The following USP34 variants were observed in gnomAD, a reference collection of about 807,000 sequenced individuals.
USP34 encodes ubiquitin carboxyl-terminal hydrolase 34.
In USP34, 70 loss-of-function variants were observed where a neutral mutation model predicts 460.3. The observed-to-expected ratio is 0.15, with a 90% CI of 0.13 to 0.19. USP34 has a LOEUF of 0.19. USP34 is among the 10% of genes least tolerant of loss of function. The pLI, the probability that USP34 is intolerant of heterozygous loss-of-function variation, is 1.00. For missense variants in USP34, 3,985 were observed against 4,236.2 expected (o/e 0.94, Z 1.65); for synonymous variants, 1,647 against 1,405.3 (o/e 1.17, Z -3.85).
In USP34 at chr2:61,317,685, G is replaced by C. The variant is rs1017710888; in HGVS notation, c.3251C>G (p.Thr1084Ser). 1.2e-6 allele frequency: 2 copies of C among 1,613,966 alleles called. No homozygotes were observed. The highest frequency in any genetic ancestry group is 1.7e-6 in the Non-Finnish European group (2 of 1,180,010). The change falls in exon 23 of 80, where the codon ACC becomes AGC. Residue 1084 changes from threonine to serine, a missense_variant. Thr to Ser is a moderately conservative substitution (Grantham distance 58, BLOSUM62 1). This residue lies in a region of USP34 where 1,114 missense variants were observed against 1,122.5 expected (regional missense o/e 0.99). Coordinates refer to ENST00000398571, the MANE Select transcript of USP34 (RefSeq NM_014709.4). Reference sequence around the variant, plus strand: ...ATTTGAACAACCATCATAGGCACTGGTAGCCAATCGAGCCAAGTTACAGAG... The same window carrying C: ...ATTTGAACAACCATCATAGGCACTGCTAGCCAATCGAGCCAAGTTACAGAG... The part of the protein sequence containing the change: ...QHLCNLARLA[T>S]SAYDGCSNSE...
At chr2:61,229,954 TAAG>T (rs1687842267) in intron 58 of USP34, among the ~76,000 whole-genome samples, 1 of 152,120 alleles carries the variant, frequency 6.6e-6, no homozygotes, top group Admixed American at 6.5e-5. Context: ...TCCAATTCCT[TAAG>T]AAGAGTGGAA....
chr2:61,388,456 TAA>T (rs34286687), intron 5 of USP34, among the ~76,000 whole-genome samples: 47 of 129,542 alleles, frequency 3.6e-4, no homozygotes, highest in Admixed American at 6.2e-4. Context: ...CAGGGGAGTT[TAA>T]AAAAAAAAAA....
At chr2:61,198,574 TAA>T (rs1558461645) in intron 75 of USP34, among the ~76,000 whole-genome samples, 3 of 148,546 alleles carry the variant, frequency 2.0e-5, no homozygotes, top group African/African-American at 7.5e-5. Flanking sequence ...TTTTTTTTTT[TAA>T]GAGAGAGAAA....
chr2:61,390,531 A>C (rs1693311769), intron 5 of USP34, among the ~76,000 whole-genome samples: 1 of 152,234 alleles, frequency 6.6e-6, no homozygotes, highest in Non-Finnish European at 1.5e-5. Flanking sequence ...AGCTGTTATT[A>C]AAGAACGGAT....
At chr2:61,403,910 G>C (rs1006543456) in intron 3 of USP34, among the ~76,000 whole-genome samples, 2 of 142,954 alleles carry the variant, frequency 1.4e-5, no homozygotes, top group African/African-American at 5.0e-5. Context: ...GGAGAATGAC[G>C]TGAACCCGGG....
At chr2:61,467,585 T>C (rs1271530659) in intron 1 of USP34, among the ~76,000 whole-genome samples, 2 of 151,578 alleles carry the variant, frequency 1.3e-5, no homozygotes, top group Non-Finnish European at 2.9e-5. Context: ...TAAAGATGAA[T>C]TCTGAGCACA....
intron 27 of USP34, among the ~76,000 whole-genome samples, chr2:61,309,791 T>C (rs903076104): frequency 1.3e-5 from 2 of 152,228 alleles, no homozygotes; most frequent in South Asian, 2.1e-4. Context: ...CCAGTATTTT[T>C]ATCAACATTT....
rs1558478230 is a variant in USP34 at position 61,229,481 on chromosome 2, AAAAAAAAC to A, written c.7199+59_7199+66del. On this transcript the variant is annotated intron_variant, in intron 59 of 79. Transcript: ENST00000398571. ...TTAAAAAAAAAAAAAAAAAACAAAA[AAAAAAAAC>A]AAAAACACCACACACACACAACACA... The A allele has an allele frequency of 2.1e-4, 164 of 795,542 alleles. 10 individuals carry two copies. Among genetic ancestry groups the A allele is most frequent in the South Asian group, 1.7e-3 (44 of 26,108 alleles). 49.3% of individuals were successfully genotyped at this position (795,542 alleles called of 1,614,324 possible). A position where few individuals can be genotyped will look rare whatever the true frequency, so the allele number is the denominator to read the frequency against.
intron 53 of USP34, 39 bp downstream of exon 53, chr2:61,241,521 A>C (rs545818196): frequency 1.3e-6 from 2 of 1,482,262 alleles, no homozygotes; most frequent in East Asian, 4.5e-5. Context: ...AACACTTAAC[A>C]TATTTTTAAA....
chr2:61,221,906 G>A (rs533012326), intron 65 of USP34: 65 of 224,134 alleles, frequency 2.9e-4, no homozygotes, highest in Non-Finnish European at 4.7e-4. Context: ...GATGTACAAC[G>A]TTTTGAAATA....
chr2:61,411,539 T>G (rs968239118), intron 2 of USP34, among the ~76,000 whole-genome samples: 2 of 152,194 alleles, frequency 1.3e-5, no homozygotes, highest in Non-Finnish European at 2.9e-5. Flanking sequence ...AAATGTCTTT[T>G]TATAGCTCTT....
chr2:61,192,474 C>A (rs1270855923), intron 76 of USP34, among the ~76,000 whole-genome samples: 1 of 152,168 alleles, frequency 6.6e-6, no homozygotes, highest in African/African-American at 2.4e-5. Flanking sequence ...TGAAAAACTA[C>A]AGATTATGAA....
intron 18 of USP34, among the ~76,000 whole-genome samples, 150 bp downstream of exon 18, chr2:61,339,198 CTCT>C (rs1691515020): frequency 6.6e-6 from 1 of 152,006 alleles, no homozygotes; most frequent in African/African-American, 2.4e-5. Context: ...AAGAAGAAAC[CTCT>C]AAATTTCATA....
At chr2:61,444,883 C>T (rs1431727442) in intron 1 of USP34, among the ~76,000 whole-genome samples, 3 of 148,330 alleles carry the variant, frequency 2.0e-5, no homozygotes, top group Admixed American at 6.8e-5. Context: ...TCTGCCTTAT[C>T]GTTTCTTTCT....
chr2:61,194,892 G>A (rs1170255640), intron 75 of USP34, among the ~76,000 whole-genome samples: 13 of 151,738 alleles, frequency 8.6e-5, no homozygotes, highest in Non-Finnish European at 1.9e-4. Context: ...GGCGGAGGTT[G>A]CGGTGAGCCG....
intron 16 of USP34, among the ~76,000 whole-genome samples, chr2:61,340,422 A>G (rs548439959): frequency 3.9e-5 from 6 of 152,340 alleles, no homozygotes; most frequent in African/African-American, 1.4e-4. Flanking sequence ...GGTAAATACT[A>G]GGATTGACAT....
chr2:61,390,107 T>C (rs1489245282), intron 5 of USP34, among the ~76,000 whole-genome samples: 1 of 152,244 alleles, frequency 6.6e-6, no homozygotes, highest in Non-Finnish European at 1.5e-5. Context: ...TGTTCCCCTA[T>C]ACGTTACTTA....
intron 2 of USP34, among the ~76,000 whole-genome samples, chr2:61,407,071 T>C (rs999905011): frequency 6.6e-6 from 1 of 152,096 alleles, no homozygotes; most frequent in Non-Finnish European, 1.5e-5. Context: ...AGTAGCACAA[T>C]GCCTGGCATA....
intron 58 of USP34, 126 bp downstream of exon 58, chr2:61,232,326 A>G (rs1687930400): frequency 1.3e-6 from 1 of 766,240 alleles, no homozygotes; most frequent in African/African-American, 1.8e-5. Flanking sequence ...CTTTTATGAT[A>G]GGAGGCAGAT....
Sources: allele counts gnomAD v4.1 joint callset (sites outside exome capture counted in the v4.1 genomes callset), GRCh38; gene constraint gnomAD v4.1.1; regional missense constraint gnomAD v4.1.1; transcripts MANE v1.5; gene names NCBI Gene and HGNC (gene_info 2026-07-23, HGNC 2026-07-21).